ADCK1: variants seen among roughly 807,000 people sequenced by gnomAD.
ADCK1 encodes aarF domain-containing protein kinase 1.
A neutral mutation model predicts 52.3 loss-of-function variants in ADCK1; 41 were observed. The observed-to-expected ratio is 0.78, with a 90% CI of 0.61 to 1.02. The LOEUF is 1.02. Among genes scored for constraint, ADCK1 ranks in the 50% least tolerant of loss-of-function variants. ADCK1 has a pLI of 0.00. For missense variants in ADCK1, 658 were observed against 679.5 expected (o/e 0.97, Z 0.35); for synonymous variants, 250 against 274.6 (o/e 0.91, Z 0.89).
At chr14:77,835,861 C>T (rs1284364988) in intron 3 of ADCK1, among the ~76,000 whole-genome samples, 3 of 150,890 alleles carry the variant, frequency 2.0e-5, no homozygotes, top group Non-Finnish European at 4.4e-5. Context: ...GTTTAGAACT[C>T]CTGAGCTCAA....
intron 5 of ADCK1, among the ~76,000 whole-genome samples, chr14:77,896,060 A>C (rs976448316): frequency 6.6e-6 from 1 of 152,242 alleles, no homozygotes; most frequent in African/African-American, 2.4e-5. Flanking sequence ...CTAATTAGTT[A>C]CTAGCAATTA....
chr14:77,860,470 C>G (rs529379075), intron 4 of ADCK1, among the ~76,000 whole-genome samples: 2 of 152,302 alleles, frequency 1.3e-5, no homozygotes, highest in South Asian at 4.2e-4. Context: ...GAGCTGGCCC[C>G]AGGTACGCAG....
intron 4 of ADCK1, among the ~76,000 whole-genome samples, chr14:77,874,294 AAGAG>A (rs1383007164): frequency 3.3e-5 from 5 of 152,278 alleles, no homozygotes; most frequent in South Asian, 2.1e-4. Flanking sequence ...TCAGCACAAG[AAGAG>A]AGAAAGTTAT....
Position 77,933,350 on chromosome 14 carries a change from G to C in ADCK1, c.1531G>C (p.Val511Leu). The C allele has an allele frequency of 2.5e-6, 4 of 1,614,010 alleles. No individual in the cohort carries two copies. The East Asian group carries it at 6.7e-5, about 27-fold the overall frequency. Reference protein sequence around the residue: ...RVKGLKLADRVLALICWLFPA... With the variant: ...RVKGLKLADRLLALICWLFPA... The stretch of plus-strand genomic sequence containing the variant: ...GAAGGGGTTGAAGCTGGCTGACCGG[G>C]TCTTGGCCCTAATATGCTGGCTGTT... The change falls in exon 11 of 11, where the codon GTC (valine) becomes CTC (leucine). Residue 511 changes from valine (V) to leucine (L), a missense_variant. Coordinates refer to ENST00000238561, the MANE Select transcript of ADCK1 (RefSeq NM_020421.4).
intron 1 of ADCK1, among the ~76,000 whole-genome samples, chr14:77,804,693 T>C (rs1003676149): frequency 1.3e-5 from 2 of 152,142 alleles, no homozygotes; most frequent in African/African-American, 4.8e-5. Flanking sequence ...GCATTGTTCC[T>C]TGCTCTGCAC....
In ADCK1 at chr14:77,859,253, G is replaced by T. The variant is rs767008084; in HGVS notation, c.397G>T (p.Val133Phe). Residue 133 changes from valine to phenylalanine, a missense_variant, in exon 4 of 11, where the codon GTC becomes TTC. Coordinates refer to ENST00000238561, the MANE Select transcript of ADCK1 (RefSeq NM_020421.4). Reference sequence around the variant, plus strand: ...GAGCAGCATGCAAGAGATCCGCCAGGTCATCCGAGAAGATCTGGGCAAGGA... The same window carrying T: ...GAGCAGCATGCAAGAGATCCGCCAGTTCATCCGAGAAGATCTGGGCAAGGA... ...PQSSMQEIRQ[V>F]IREDLGKEIH... The T allele has an allele frequency of 1.9e-6, 3 of 1,613,830 alleles. No homozygotes were observed. The highest frequency in any genetic ancestry group is 2.5e-6 in the Non-Finnish European group (3 of 1,179,918).
rs1315336140 is a variant in ADCK1, at chr14:77,852,030, G to A, written c.220-7046G>A. ...ATTTTTTTTTTTGAGACAGAGTCTC[G>A]CTCTGTTGCCCAGGCTGGAGTGCAG... On this transcript the variant is annotated intron_variant, in intron 3 of 10. Transcript: ENST00000238561. Among the ~76,000 whole-genome samples the A allele has an allele frequency of 4.0e-5, 6 of 151,010 alleles. 1 individual carries two copies. The highest frequency in any genetic ancestry group is 7.4e-5 in the Non-Finnish European group (5 of 67,862).
intron 4 of ADCK1, among the ~76,000 whole-genome samples, chr14:77,862,754 GC>G (rs1472452173): frequency 5.9e-5 from 9 of 152,340 alleles, no homozygotes; most frequent in Admixed American, 3.3e-4. Context: ...AAAGGACAGT[GC>G]CGGACATTTG....
At chr14:77,854,774 G>A (rs1456063225) in intron 3 of ADCK1, among the ~76,000 whole-genome samples, 2 of 152,060 alleles carry the variant, frequency 1.3e-5, no homozygotes, top group African/African-American at 4.8e-5. Flanking sequence ...GGCCAAGCTG[G>A]TCTTGGACTC....
At chr14:77,817,306 C>T (rs910958461) in intron 1 of ADCK1, among the ~76,000 whole-genome samples, 1 of 152,196 alleles carries the variant, frequency 6.6e-6, no homozygotes, top group African/African-American at 2.4e-5. Context: ...GGGAAACAGG[C>T]ACAGAGCAGG....
intron 3 of ADCK1, chr14:77,827,935 T>A (rs2081752548): frequency 2.8e-6 from 1 of 357,844 alleles, no homozygotes. Flanking sequence ...TTCAAGTGAT[T>A]CTCCTGCCTC....
chr14:77,807,036 CTCTT>C (rs1295927682), intron 1 of ADCK1, among the ~76,000 whole-genome samples: 38 of 125,350 alleles, frequency 3.0e-4, no homozygotes, highest in African/African-American at 6.6e-4. Context: ...CTCTCTCTCT[CTCTT>C]TTTTTTTTTT....
chr14:77,912,458 G>GTGTGTGTGTGTGTT (rs2083816058), intron 7 of ADCK1, among the ~76,000 whole-genome samples: 1 of 146,264 alleles, frequency 6.8e-6, no homozygotes, highest in African/African-American at 2.8e-5. Flanking sequence ...GTGTGTGTGT[G>GTGTGTGTGTGTGTT]TGTGTGTGTG....
At chr14:77,849,176 G>T (rs1385240753) in intron 3 of ADCK1, among the ~76,000 whole-genome samples, 1 of 152,124 alleles carries the variant, frequency 6.6e-6, no homozygotes, top group Non-Finnish European at 1.5e-5. Context: ...CTTGGCTCAG[G>T]GGATACTCTC....
chr14:77,878,980 A>T (rs1242083095), intron 4 of ADCK1, among the ~76,000 whole-genome samples: 1 of 151,800 alleles, frequency 6.6e-6, no homozygotes, highest in Non-Finnish European at 1.5e-5. Flanking sequence ...CTGGCCAGCC[A>T]CACTGGGTGT....
At chr14:77,843,551 C>T (rs1288222781) in intron 3 of ADCK1, among the ~76,000 whole-genome samples, 4 of 152,136 alleles carry the variant, frequency 2.6e-5, no homozygotes, top group African/African-American at 9.7e-5. Context: ...GTCCTGGGCT[C>T]CTGTGGGCAT....
At chr14:77,930,094 G>A (rs575434504) in intron 9 of ADCK1, among the ~76,000 whole-genome samples, 3 of 149,934 alleles carry the variant, frequency 2.0e-5, no homozygotes, top group East Asian at 3.9e-4. Flanking sequence ...CTGGGTGACT[G>A]AAGTTGCTGA....
At position 77,887,150 on chromosome 14, in the gene ADCK1, G is replaced by C; in HGVS notation, c.483G>C (p.Gln161His). 3 of 1,609,402 alleles carry C rather than the reference G, an allele frequency of 1.9e-6. No individual in the cohort carries two copies. The highest frequency in any genetic ancestry group is 2.5e-6 in the Non-Finnish European group (3 of 1,177,710). Residue 161 changes from glutamine to histidine, a missense_variant, in exon 5 of 11, where the codon CAG (glutamine) becomes CAC (histidine). Transcript: ENST00000238561. ...DTPLGTASLA[Q>H]VHKAVLHDGR... The stretch of plus-strand genomic sequence containing the variant: ...CTCTGGGGACGGCCTCCCTGGCCCA[G>C]GTCCACAAGGCAGTGCTGCATGATG...
At chr14:77,829,977 G>A (rs1347916567) in intron 3 of ADCK1, among the ~76,000 whole-genome samples, 1 of 151,128 alleles carries the variant, frequency 6.6e-6, no homozygotes, top group Non-Finnish European at 1.5e-5. Flanking sequence ...GAGACTAGGA[G>A]AGTGAAGGGG....
Sources: gnomAD v4.1 joint callset for allele counts (sites outside exome capture counted in the v4.1 genomes callset) on GRCh38, gnomAD v4.1.1 for gene constraint, MANE v1.5 for transcripts, NCBI Gene and HGNC (gene_info 2026-07-23, HGNC 2026-07-21) for gene names.